The following KIF3A variants were observed in gnomAD, a reference collection of about 807,000 sequenced individuals.
KIF3A encodes the protein kinesin-like protein KIF3A.
A neutral mutation model predicts 92.6 loss-of-function variants in KIF3A; 27 were observed. The observed-to-expected ratio is 0.29, with a 90% confidence interval of 0.21 to 0.40. KIF3A has a LOEUF of 0.40. Among genes scored for constraint, KIF3A ranks in the 10% least tolerant of loss-of-function variants. The pLI, the probability that KIF3A is intolerant of heterozygous loss-of-function variation, is 1.00. For missense variants in KIF3A, 581 were observed against 872.6 expected (o/e 0.67, Z 4.21); for synonymous variants, 250 against 275.4 (o/e 0.91, Z 0.92).
intron 4 of KIF3A, among the ~76,000 whole-genome samples, chr5:132,722,631 T>C (rs1753862613): frequency 6.6e-6 from 1 of 152,212 alleles, no homozygotes; most frequent in South Asian, 2.1e-4. Flanking sequence ...TAATTATATC[T>C]GAGTCTGTCA....
At chr5:132,732,156 A>G (rs1317854275) in intron 2 of KIF3A, among the ~76,000 whole-genome samples, 8 of 152,258 alleles carry the variant, frequency 5.3e-5, no homozygotes, top group Admixed American at 5.2e-4. Flanking sequence ...GCAGTCATCA[A>G]AAAGACAGTA....
chr5:132,701,271 G>T (rs942461472), intron 15 of KIF3A, among the ~76,000 whole-genome samples: 1 of 152,066 alleles, frequency 6.6e-6, no homozygotes, highest in Non-Finnish European at 1.5e-5. Flanking sequence ...GCCAAAACGG[G>T]CAGATCAACC....
chr5:132,724,824 T>A (rs1189643363), intron 4 of KIF3A, among the ~76,000 whole-genome samples: 16 of 16,304 alleles, frequency 9.8e-4, no homozygotes, highest in East Asian at 1.3e-3. Flanking sequence ...TATATATATA[T>A]ATATATATAT....
chr5:132,696,821 A>T (rs1398530411), intron 18 of KIF3A, 139 bp from the exon 19 acceptor site: 3 of 625,492 alleles, frequency 4.8e-6, no homozygotes, highest in East Asian at 5.5e-5. Flanking sequence ...GACCATGGTA[A>T]GTGTTCAATT....
chr5:132,724,789 T>TAAAAAA (rs1561708464), intron 4 of KIF3A, among the ~76,000 whole-genome samples: 1 of 55,224 alleles, frequency 1.8e-5, no homozygotes, highest in Non-Finnish European at 2.8e-5. Flanking sequence ...ACTTAAAGTA[T>TAAAAAA]AATAAAAAAA....
intron 1 of KIF3A, 150 bp downstream of exon 1, chr5:132,737,264 A>T: frequency 1.2e-6 from 1 of 844,352 alleles, no homozygotes; most frequent in Non-Finnish European, 1.7e-6. Flanking sequence ...CTGACCAGCC[A>T]GGCTCTCCAA....
Position 132,734,215 on chromosome 5 carries a change from T to C in KIF3A, c.270A>G (p.Glu90=), listed in dbSNP as rs768315443. Residue 90 remains glutamate, a synonymous_variant, in exon 2 of 19, where the codon GAA becomes GAG. Transcript: ENST00000403231. ...TARPIIDSVL[E]GYNGTIFAYG... ...TAAAGATTCACTTACCATTGTAGCC[T>C]TCAAGTACAGAATCAATAATAGGTC... is the stretch of plus-strand genomic sequence containing the variant. 5 of 1,612,158 alleles carry C rather than the reference T, an allele frequency of 3.1e-6. No homozygotes were observed. In the Admixed American group the frequency reaches 8.4e-5, roughly 27 times the overall value.
intron 2 of KIF3A, among the ~76,000 whole-genome samples, chr5:132,727,225 T>C (rs1754062057): frequency 6.6e-6 from 1 of 152,222 alleles, no homozygotes; most frequent in Non-Finnish European, 1.5e-5. Context: ...AACAAACATT[T>C]ACCACACACC....
In KIF3A at chr5:132,710,950, A is replaced by G; in HGVS notation, c.1228+9T>C. The stretch of plus-strand genomic sequence containing the variant: ...ATTTCTACAAATCAGATTACTAAAC[A>G]GAACTTACCCCTTCTTTTTTTCCTT... On this transcript the variant is annotated intron_variant, in intron 9 of 18. Transcript: ENST00000403231. 6.2e-7 allele frequency: 1 copy of G among 1,613,846 alleles called. No homozygotes were observed. The highest frequency in any genetic ancestry group is 1.1e-5 in the South Asian group (1 of 91,058).
At chr5:132,727,031 C>T (rs913290338) in intron 2 of KIF3A, among the ~76,000 whole-genome samples, 4 of 152,232 alleles carry the variant, frequency 2.6e-5, no homozygotes, top group Admixed American at 6.5e-5. Flanking sequence ...ACCAACACAA[C>T]ACCTCATAGA....
At chr5:132,707,433 T>C (rs1275822164) in intron 10 of KIF3A, among the ~76,000 whole-genome samples, 1 of 152,234 alleles carries the variant, frequency 6.6e-6, no homozygotes, top group Non-Finnish European at 1.5e-5. Flanking sequence ...TAAAACTTCT[T>C]GAATTGAACA....
At chr5:132,711,559 T>A (rs1753424516) in intron 8 of KIF3A, among the ~76,000 whole-genome samples, 1 of 151,752 alleles carries the variant, frequency 6.6e-6, no homozygotes, top group Non-Finnish European at 1.5e-5. Context: ...ACCACTGTAC[T>A]CCAGCCTCAA....
intron 4 of KIF3A, among the ~76,000 whole-genome samples, chr5:132,721,070 G>C: frequency 6.6e-6 from 1 of 152,070 alleles, no homozygotes; most frequent in East Asian, 1.9e-4. Context: ...AAATGTGCAA[G>C]AATCCTGAAA....
intron 5 of KIF3A, among the ~76,000 whole-genome samples, chr5:132,717,187 C>T (rs988386250): frequency 6.6e-6 from 1 of 152,048 alleles, no homozygotes; most frequent in Non-Finnish European, 1.5e-5. Context: ...TGTAAGGTTT[C>T]TCATATTAAA....
At chr5:132,729,996 T>A (rs1197476205) in intron 2 of KIF3A, among the ~76,000 whole-genome samples, 1 of 151,962 alleles carries the variant, frequency 6.6e-6, no homozygotes, top group Non-Finnish European at 1.5e-5. Flanking sequence ...GTCAGACTAA[T>A]CAGGAAAAAA....
chr5:132,730,989 T>C (rs1018216645), intron 2 of KIF3A, among the ~76,000 whole-genome samples: 6 of 151,956 alleles, frequency 3.9e-5, no homozygotes, highest in Non-Finnish European at 8.8e-5. Context: ...AAAGAAAAAA[T>C]ACATAATCTG....
chr5:132,714,993 A>G (rs928083097), intron 8 of KIF3A, among the ~76,000 whole-genome samples: 1 of 152,164 alleles, frequency 6.6e-6, no homozygotes, highest in Admixed American at 6.5e-5. Context: ...TTTACTAAAT[A>G]AGTACCCTCT....
At chr5:132,718,637 T>C (rs1753721221) in intron 5 of KIF3A, among the ~76,000 whole-genome samples, 1 of 150,740 alleles carries the variant, frequency 6.6e-6, no homozygotes, top group Non-Finnish European at 1.5e-5. Context: ...TTGTTTTGTT[T>C]TGTTTTTGAG....
chr5:132,702,808 A>C (rs1017705134), intron 13 of KIF3A, 77 bp downstream of exon 13: 2 of 1,429,560 alleles, frequency 1.4e-6, no homozygotes, highest in Non-Finnish European at 1.9e-6. Flanking sequence ...CAATACGATT[A>C]TAGATATTTA....
Sources: gnomAD v4.1 joint callset for allele counts (sites outside exome capture counted in the v4.1 genomes callset) on GRCh38, gnomAD v4.1.1 for gene constraint, MANE v1.5 for transcripts, NCBI Gene and HGNC (gene_info 2026-07-23, HGNC 2026-07-21) for gene names.